The following RPH3A variants were observed in gnomAD, a reference collection of about 807,000 sequenced individuals.
The protein encoded by RPH3A is rabphilin-3A.
RPH3A carries 48 observed loss-of-function variants against 102.2 expected under a neutral mutation model. The ratio of observed to expected loss-of-function variants is 0.47; its 90% CI spans 0.37 to 0.60. The LOEUF is 0.60. Ranked by LOEUF, RPH3A falls within the 20% of genes least tolerant of loss-of-function variation. RPH3A has a pLI of 0.00. For missense variants in RPH3A, 781 were observed against 910.1 expected, an observed-to-expected ratio of 0.86 and a Z score of 1.83; for synonymous variants, 310 against 324.3, an observed-to-expected ratio of 0.96 and a Z score of 0.47.
chr12:112,654,352 G>C (rs2135999135), intron 1 of RPH3A, among the ~76,000 whole-genome samples: 1 of 152,182 alleles, frequency 6.6e-6, no homozygotes, highest in East Asian at 1.9e-4. Context: ...CTGTCCCTGT[G>C]AATTTTCTTG....
chr12:112,839,575 G>T (rs1230941534), intron 4 of RPH3A, among the ~76,000 whole-genome samples: 2 of 152,192 alleles, frequency 1.3e-5, no homozygotes, highest in African/African-American at 4.8e-5. Context: ...GGGTATAAGA[G>T]TAAACAGAAA....
At chr12:112,781,549 C>G (rs1443950334) in intron 1 of RPH3A, among the ~76,000 whole-genome samples, 1 of 152,154 alleles carries the variant, frequency 6.6e-6, no homozygotes, top group Non-Finnish European at 1.5e-5. Flanking sequence ...GAATTTCTCT[C>G]TATTCAGTTT....
intron 15 of RPH3A, among the ~76,000 whole-genome samples, chr12:112,882,265 A>T (rs1479214155): frequency 6.6e-6 from 1 of 152,114 alleles, no homozygotes; most frequent in African/African-American, 2.4e-5. Flanking sequence ...CACTTTGGAG[A>T]ATATTCTCTG....
intron 1 of RPH3A, among the ~76,000 whole-genome samples, chr12:112,768,139 G>C (rs1383892476): frequency 1.3e-5 from 2 of 152,164 alleles, no homozygotes. Context: ...TTAAAAAATA[G>C]AAATAAAAGA....
chr12:112,704,594 G>A (rs1050389098), intron 1 of RPH3A, among the ~76,000 whole-genome samples: 2 of 152,102 alleles, frequency 1.3e-5, no homozygotes, highest in African/African-American at 4.8e-5. Context: ...AAAGCAATGC[G>A]GCTACCATCA....
intron 1 of RPH3A, among the ~76,000 whole-genome samples, chr12:112,713,354 C>A (rs773394122): frequency 4.6e-5 from 7 of 151,912 alleles, no homozygotes; most frequent in Non-Finnish European, 1.0e-4. Context: ...ACATCAAGGT[C>A]GAGACTCATT....
intron 1 of RPH3A, among the ~76,000 whole-genome samples, chr12:112,709,993 G>T (rs888695205): frequency 5.4e-4 from 81 of 150,690 alleles, no homozygotes; most frequent in African/African-American, 1.9e-3. Context: ...CTTTTTTTTT[G>T]AGACGGAGTC....
At chr12:112,651,703 C>T (rs1034863694) in intron 1 of RPH3A, 2 of 152,168 alleles carry the variant, frequency 1.3e-5, no homozygotes, top group Admixed American at 1.3e-4. Flanking sequence ...ACCTTTTCAT[C>T]ATTCCAAACA....
intron 10 of RPH3A, among the ~76,000 whole-genome samples, chr12:112,871,161 G>C (rs2042701724): frequency 6.6e-6 from 1 of 152,100 alleles, no homozygotes; most frequent in African/African-American, 2.4e-5. Context: ...TTTTGACAAT[G>C]CCTTTTAAAA....
intron 4 of RPH3A, among the ~76,000 whole-genome samples, chr12:112,843,497 C>T (rs920749585): frequency 1.3e-5 from 2 of 152,156 alleles, no homozygotes; most frequent in African/African-American, 2.4e-5. Context: ...CGGGGCCTCT[C>T]GGAGACCCCC....
At chr12:112,743,132 A>C (rs530750161) in intron 1 of RPH3A, among the ~76,000 whole-genome samples, 1 of 152,356 alleles carries the variant, frequency 6.6e-6, no homozygotes, top group East Asian at 1.9e-4. Context: ...TCATCTCTGC[A>C]TCTTGACATC....
intron 1 of RPH3A, among the ~76,000 whole-genome samples, chr12:112,766,172 C>T (rs1036805477): frequency 4.6e-5 from 7 of 152,136 alleles, no homozygotes; most frequent in Non-Finnish European, 7.4e-5. Flanking sequence ...GTTCACATTT[C>T]GGCACTGCCA....
At chr12:112,802,138 ATTGT>A (rs1170545784) in intron 2 of RPH3A, among the ~76,000 whole-genome samples, 1 of 152,174 alleles carries the variant, frequency 6.6e-6, no homozygotes, top group Non-Finnish European at 1.5e-5. Context: ...AGATTTAATG[ATTGT>A]TTGGGCAACA....
upstream of RPH3A, chr12:112,791,669 A>G (rs1844036487): frequency 6.6e-6 from 1 of 151,558 alleles, no homozygotes; most frequent in Non-Finnish European, 1.5e-5. Context: ...CCGCACACAT[A>G]AATCACGGGT....
chr12:112,622,385 C>T, intron 1 of RPH3A, among the ~76,000 whole-genome samples: 1 of 57,054 alleles, frequency 1.8e-5, no homozygotes, highest in Non-Finnish European at 3.4e-5. Flanking sequence ...AGCTGAAAAC[C>T]AAGGCTCGAG....
At chr12:112,667,042 T>C (rs1020297351) in intron 1 of RPH3A, among the ~76,000 whole-genome samples, 5 of 152,178 alleles carry the variant, frequency 3.3e-5, no homozygotes, top group Non-Finnish European at 5.9e-5. Context: ...TGCAGCCTCA[T>C]CTCAAGCCAC....
intron 1 of RPH3A, among the ~76,000 whole-genome samples, chr12:112,714,540 A>T (rs2040501597): frequency 6.6e-6 from 1 of 152,168 alleles, no homozygotes; most frequent in Non-Finnish European, 1.5e-5. Flanking sequence ...TAGCTATATT[A>T]TTTGCATATT....
chr12:112,817,935 C>T (rs959755786), intron 2 of RPH3A, among the ~76,000 whole-genome samples: 5 of 152,114 alleles, frequency 3.3e-5, no homozygotes, highest in African/African-American at 9.7e-5. Context: ...GTAGCTTGGT[C>T]TCACCCAGAA....
At position 112,746,388 on chromosome 12, in the gene RPH3A, C is replaced by T. The variant is rs142448789; in HGVS notation, c.-139-45755C>T. Among the ~76,000 whole-genome samples, 1,200 of 152,224 alleles carry T rather than the reference C, an allele frequency of 7.9e-3. 12 individuals carry two copies. Among genetic ancestry groups the T allele is most frequent in the African/African-American group, 0.026 (1,096 of 41,536 alleles). On this transcript the variant is annotated intron_variant, in intron 1 of 21. Coordinates refer to the RPH3A transcript ENST00000543106. ...AGAGGTACAGACTCCACAGCCACCA[C>T]CCAGAGTCAGGGAAGGTGTAGAAGC...
Sources: gnomAD v4.1 joint callset for allele counts (sites outside exome capture counted in the v4.1 genomes callset) on GRCh38, gnomAD v4.1.1 for gene constraint, MANE v1.5 for transcripts, NCBI Gene and HGNC (gene_info 2026-07-23, HGNC 2026-07-21) for gene names.